The following ACSL1 variants were observed in gnomAD, a reference collection of about 807,000 sequenced individuals.
ACSL1 encodes long-chain-fatty-acid--CoA ligase 1.
ACSL1 carries 41 observed loss-of-function variants against 98.4 expected under a neutral mutation model. That is an observed-to-expected ratio of 0.42 (90% CI 0.32 to 0.54). The LOEUF is 0.54. ACSL1 is among the 20% of genes least tolerant of loss of function. ACSL1 has a pLI of 0.13. For missense variants in ACSL1, 734 were observed against 883.1 expected (o/e 0.83, Z 2.14); for synonymous variants, 316 against 322.7 (o/e 0.98, Z 0.22).
intron 17 of ACSL1, among the ~76,000 whole-genome samples, chr4:184,761,645 T>C (rs1169754672): frequency 1.3e-5 from 2 of 152,162 alleles, no homozygotes; most frequent in African/African-American, 4.8e-5. Context: ...TTTAATGAGA[T>C]GACAAACCTA....
Position 184,757,137 on chromosome 4 carries a change from A to G in ACSL1, c.2085T>C (p.Thr695=). 6.3e-7 allele frequency: 1 copy of G among 1,588,942 alleles called. No homozygotes were observed. Among genetic ancestry groups the G allele is most frequent in the Non-Finnish European group, 8.6e-7 (1 of 1,159,806 alleles). ...TTTCTTCTTCACACTAAACCTTGAT[A>G]GTGGAATAGAGGTCATCTATCTGCG... ...FRSQIDDLYS[T]IKV The change falls in exon 21 of 21, where the codon ACT becomes ACC. Residue 695 remains threonine (T), a synonymous_variant. Coordinates refer to ENST00000281455, the MANE Select transcript of ACSL1 (RefSeq NM_001995.5). This position sits in a 1 kb window ranked among gnomAD's most constrained non-coding sequence, Gnocchi z 4.5.
chr4:184,765,904 G>A lies in ACSL1; in HGVS notation c.1346C>T (p.Ala449Val), dbSNP rs1763521563. The change falls in exon 14 of 21, where the codon GCC becomes GTC. Residue 449 changes from alanine to valine, a missense_variant. Physicochemically the swap from Ala to Val is moderately conservative, Grantham distance 64. Transcript: ENST00000281455. ...SATVLTFLRA[A>V]LGCQFYEGYG... Reference sequence around the variant, plus strand: ...CATCCACCTCACCTGACAGCCCAGGGCTGCTCTGAGGAACGTCAGCACAGT... The same window carrying A: ...CATCCACCTCACCTGACAGCCCAGGACTGCTCTGAGGAACGTCAGCACAGT... 6.2e-7 allele frequency: 1 copy of A among 1,613,984 alleles called. No homozygotes were observed. Among genetic ancestry groups the A allele is most frequent in the South Asian group, 1.1e-5 (1 of 91,072 alleles).
Position 184,820,793 on chromosome 4 carries a change from C to T in ACSL1, c.-33+5123G>A, listed in dbSNP as rs137897390. 5.2e-3 allele frequency among the ~76,000 whole-genome samples: 793 copies of T among 151,976 alleles called. 10 individuals are homozygous for T. Among genetic ancestry groups the T allele is most frequent in the African/African-American group, 0.018 (749 of 41,458 alleles). On this transcript the variant is annotated intron_variant, in intron 1 of 20. Transcript: ENST00000281455. ...TTAATTTTTGTATTTTTAGTAGAGA[C>T]GGGGTTTCACCATATTGGTCAGGGT...
chr4:184,757,626 A>T lies in ACSL1; in HGVS notation c.1956+9T>A. 1 of 1,602,108 alleles carries T rather than the reference A, an allele frequency of 6.2e-7. No homozygotes were observed. The highest frequency in any genetic ancestry group is 1.1e-5 in the South Asian group (1 of 88,246). ...TACAGGAATTCACCCACTCAGATGA[A>T]GGTCATACCTGTTCAAATGGTTTCA... On this transcript the variant is annotated intron_variant, in intron 20 of 20. Coordinates refer to ENST00000281455, the MANE Select transcript of ACSL1 (RefSeq NM_001995.5). The surrounding 1 kb of genome is among the most constrained non-coding windows in gnomAD (Gnocchi z 4.5).
intron 3 of ACSL1, among the ~76,000 whole-genome samples, chr4:184,785,206 A>G (rs1364369958): frequency 6.6e-6 from 1 of 152,214 alleles, no homozygotes; most frequent in Non-Finnish European, 1.5e-5. Context: ...TACAGAAAAC[A>G]TATGCCAGCT....
chr4:184,810,239 T>C (rs1274592723), intron 1 of ACSL1, among the ~76,000 whole-genome samples: 4 of 152,218 alleles, frequency 2.6e-5, no homozygotes, highest in African/African-American at 9.6e-5. Context: ...AAAAGTCTAA[T>C]TCAGCTAGTT....
At chr4:184,783,540 G>A (rs1447460167) in intron 4 of ACSL1, among the ~76,000 whole-genome samples, 1 of 152,186 alleles carries the variant, frequency 6.6e-6, no homozygotes, top group African/African-American at 2.4e-5. Flanking sequence ...TCCTGAGACA[G>A]GTCCTCCTCA....
At chr4:184,823,838 C>T (rs746407908) in intron 1 of ACSL1, among the ~76,000 whole-genome samples, 1 of 152,140 alleles carries the variant, frequency 6.6e-6, no homozygotes, top group Non-Finnish European at 1.5e-5. Flanking sequence ...ATCTGAATTA[C>T]GTTCATTTTT....
Position 184,780,447 on chromosome 4 carries a change from G to A in ACSL1, c.376-14C>T. 1.2e-6 allele frequency: 2 copies of A among 1,602,484 alleles called. No homozygotes were observed. The highest frequency in any genetic ancestry group is 1.7e-5 in the Admixed American group (1 of 59,446). On this transcript the variant is annotated splice_polypyrimidine_tract_variant and intron_variant, in intron 4 of 20. Coordinates refer to ENST00000281455, the MANE Select transcript of ACSL1 (RefSeq NM_001995.5). ...CAATTCTGCAACCTAAAATGGAGAGGAAAAAGTCAGAAGCAGCATTGGGCC... is the reference window on the plus strand; with the variant it reads ...CAATTCTGCAACCTAAAATGGAGAGAAAAAAGTCAGAAGCAGCATTGGGCC...
chr4:184,785,582 T>C (rs959644308), intron 3 of ACSL1, among the ~76,000 whole-genome samples: 1 of 106,694 alleles, frequency 9.4e-6, no homozygotes, highest in Admixed American at 1.5e-4. Flanking sequence ...AAGCTTAGAA[T>C]AAAAAGATCC....
At chr4:184,812,793 C>G (rs948739438) in intron 1 of ACSL1, among the ~76,000 whole-genome samples, 1 of 152,100 alleles carries the variant, frequency 6.6e-6, no homozygotes, top group Non-Finnish European at 1.5e-5. Flanking sequence ...CAGCAAATAT[C>G]AGAAAGGCTT....
Position 184,760,413 on chromosome 4 carries a change from T to C in ACSL1, c.1726A>G (p.Ile576Val), listed in dbSNP as rs1159890626. 9 of 1,614,080 alleles carry C rather than the reference T, an allele frequency of 5.6e-6. No individual in the cohort carries two copies. Among genetic ancestry groups the C allele is most frequent in the African/African-American group, 1.3e-5 (1 of 74,922 alleles). ...GCAACAGGCTCACTTCGCATGTAGA[T>C]ATTTTCAATCTTTTCAGGGGCTATG... ...EYIAPEKIENIYMRSEPVAQV... is the reference protein window; with the variant it reads ...EYIAPEKIENVYMRSEPVAQV... Residue 576 changes from isoleucine to valine, a missense_variant, in exon 18 of 21, where the codon ATC (isoleucine) becomes GTC (valine). Coordinates refer to ENST00000281455, the MANE Select transcript of ACSL1 (RefSeq NM_001995.5).
At chr4:184,758,130 G>C (rs1472438024) in intron 18 of ACSL1, 1 of 515,666 alleles carries the variant, frequency 1.9e-6, no homozygotes. Context: ...CAGGAATTTT[G>C]CAATTAATGT....
intron 2 of ACSL1, chr4:184,798,390 T>C (rs1317136711): frequency 1.3e-5 from 2 of 152,304 alleles, no homozygotes; most frequent in African/African-American, 2.4e-5. Flanking sequence ...TATGATCTTG[T>C]AGTAGTTGTC....
rs535242407 is a variant in ACSL1 at position 184,791,163 on chromosome 4, C to T, written c.196-2432G>A. ...CCTCTTGACACAACAGAAATGCATTCATGGTCTTTTTCAGTGCTCTCTCTT... is the reference window on the plus strand; with the variant it reads ...CCTCTTGACACAACAGAAATGCATTTATGGTCTTTTTCAGTGCTCTCTCTT... On this transcript the variant is annotated intron_variant, in intron 2 of 20. Coordinates refer to ENST00000281455, the MANE Select transcript of ACSL1 (RefSeq NM_001995.5). Among the ~76,000 whole-genome samples, 6 of 152,328 alleles carry T rather than the reference C, an allele frequency of 3.9e-5. No homozygotes were observed. In the South Asian group the frequency reaches 1.2e-3, roughly 32 times the overall value.
chr4:184,822,596 G>A (rs1472190224), intron 1 of ACSL1, among the ~76,000 whole-genome samples: 2 of 152,130 alleles, frequency 1.3e-5, no homozygotes, highest in Non-Finnish European at 2.9e-5. Flanking sequence ...AAAATTAGCT[G>A]GGCATAGTGA....
chr4:184,799,716 G>T (rs1371191077), intron 2 of ACSL1, among the ~76,000 whole-genome samples: 1 of 152,120 alleles, frequency 6.6e-6, no homozygotes, highest in Non-Finnish European at 1.5e-5. Context: ...AGGCATGGTG[G>T]TGCATGCCTA....
At position 184,803,160 on chromosome 4, in the gene ACSL1, G is replaced by A. The variant is rs1770811377; in HGVS notation, c.195+160C>T. Among the ~76,000 whole-genome samples, 1 of 152,164 alleles carries A rather than the reference G, an allele frequency of 6.6e-6. No homozygotes were observed. The highest frequency in any genetic ancestry group is 6.5e-5 in the Admixed American group (1 of 15,278). ...TGTCCCTGTGCCTATATTTTGCCCT[G>A]TACCTCTATTTACCACCATCAGTAA... On this transcript the variant is annotated intron_variant, in intron 2 of 20. Coordinates refer to ENST00000281455, the MANE Select transcript of ACSL1 (RefSeq NM_001995.5). This position sits in a 1 kb window ranked among gnomAD's most constrained non-coding sequence, Gnocchi z 4.8.
At chr4:184,819,357 G>T (rs1772881533) in intron 1 of ACSL1, among the ~76,000 whole-genome samples, 2 of 151,910 alleles carry the variant, frequency 1.3e-5, no homozygotes, top group South Asian at 4.1e-4. Flanking sequence ...TGTCCAGGCT[G>T]GTCTCGAACT....
Sources: allele counts gnomAD v4.1 joint callset (sites outside exome capture counted in the v4.1 genomes callset), GRCh38; gene constraint gnomAD v4.1.1; non-coding constraint Gnocchi (gnomAD v3.1); transcripts MANE v1.5; gene names NCBI Gene and HGNC (gene_info 2026-07-23, HGNC 2026-07-21).